RBBP7: variants seen among roughly 807,000 people sequenced by gnomAD.
RBBP7 encodes RB binding protein 7, chromatin remodeling factor.
Under a neutral mutation model 35.2 loss-of-function variants are expected in RBBP7, and 5 were observed. The observed-to-expected ratio is 0.14, with a 90% confidence interval of 0.07 to 0.30. The LOEUF is 0.30. Among genes scored for constraint, RBBP7 ranks in the 10% least tolerant of loss-of-function variants. RBBP7 has a pLI of 1.00. For missense variants in RBBP7, 155 were observed against 327.5 expected, an observed-to-expected ratio of 0.47 and a Z score of 4.07; for synonymous variants, 140 against 118.7, an observed-to-expected ratio of 1.18 and a Z score of -1.17.
intron 11 of RBBP7, 46 bp downstream of exon 11, chrX:16,845,782 T>A: frequency 8.5e-7 from 1 of 1,177,721 alleles, no homozygotes; most frequent in Non-Finnish European, 1.1e-6. Flanking sequence ...AAGTAGTAAA[T>A]CTCTCCTTTA....
Position 16,853,211 on chromosome X carries a change from T to C in RBBP7, c.759-336A>G, listed in dbSNP as rs1440283797. 2.3e-5 allele frequency: 5 copies of C among 220,363 alleles called. No homozygotes were observed. In the South Asian group the frequency reaches 4.1e-4, roughly 18 times the overall value. 18.2% of individuals were successfully genotyped at this position (220,363 alleles called of 1,213,427 possible). A position where few individuals can be genotyped will look rare whatever the true frequency, so the allele number is the denominator to read the frequency against. On this transcript the variant is annotated intron_variant, in intron 6 of 11. Coordinates refer to ENST00000380087, the MANE Select transcript of RBBP7 (RefSeq NM_002893.4). ...ACAAATGCCCAGTATTTTGTCACAT[T>C]TGCCTCAGGTATTTCTTTATAAGAT...
chrX:16,851,677 G>GA (rs1930216574), intron 9 of RBBP7, among the ~76,000 whole-genome samples: 1 of 111,882 alleles, frequency 8.9e-6, no homozygotes, highest in Admixed American at 9.5e-5. Context: ...CAAAAACCCA[G>GA]AAAAAACAGT....
chrX:16,852,704 A>G lies in RBBP7; in HGVS notation c.885+45T>C, dbSNP rs769095277. ...TTCAAATATCTGATTAAGGCACAAG[A>G]GAACTGGGTTTTATAAACACCAAAT... On this transcript the variant is annotated intron_variant, in intron 7 of 11. Coordinates refer to ENST00000380087, the MANE Select transcript of RBBP7 (RefSeq NM_002893.4). 3.3e-6 allele frequency: 4 copies of G among 1,209,958 alleles called. No individual in the cohort carries two copies. In the African/African-American group the frequency reaches 7.0e-5, roughly 21 times the overall value.
intron 8 of RBBP7, 107 bp from the exon 9 acceptor site, chrX:16,852,229 C>A (rs1167340391): frequency 1.3e-6 from 1 of 741,916 alleles, no homozygotes; most frequent in Non-Finnish European, 2.1e-6. Context: ...ATTATCTTAT[C>A]CTTGGCCTGA....
intron 9 of RBBP7, among the ~76,000 whole-genome samples, chrX:16,850,086 C>T (rs1446476796): frequency 2.7e-5 from 3 of 112,168 alleles, no homozygotes; most frequent in Non-Finnish European, 5.6e-5. Context: ...ACATTTTTTT[C>T]CTTCCCACAA....
chrX:16,869,688 G>A (rs1329349118), intron 1 of RBBP7: 5 of 1,041,780 alleles, frequency 4.8e-6, no homozygotes, highest in Non-Finnish European at 6.2e-6. Context: ...GCGACCCCGA[G>A]GCGGTCAACG....
rs370689303 is a variant in RBBP7 at position 16,869,261 on chromosome X, T to C, written c.17-41A>G. On this transcript the variant is annotated intron_variant, in intron 1 of 11. Transcript: ENST00000380087. ...AGCCCACACGATTAAGTGGCTGAGA[T>C]AGATCAAAGTCAGAAATTGGAGGTC... is the stretch of plus-strand genomic sequence containing the variant. 8.5e-5 allele frequency: 100 copies of C among 1,178,190 alleles called. No individual in the cohort carries two copies. In the South Asian group the frequency reaches 8.7e-4, roughly 10 times the overall value.
chrX:16,859,481 G>A (rs1314655307), intron 3 of RBBP7, among the ~76,000 whole-genome samples: 3 of 112,281 alleles, frequency 2.7e-5, no homozygotes, highest in Admixed American at 9.5e-5. Flanking sequence ...CATGAAAAAG[G>A]CCTTGTAAAG....
intron 3 of RBBP7, among the ~76,000 whole-genome samples, chrX:16,860,249 A>T (rs1930436156): frequency 1.4e-5 from 1 of 72,259 alleles, no homozygotes; most frequent in African/African-American, 5.6e-5. Flanking sequence ...CCTTTAGCTA[A>T]AACAACCTGA....
At chrX:16,846,708 C>A (rs1343778293) in intron 10 of RBBP7, 2 of 112,411 alleles carry the variant, frequency 1.8e-5, no homozygotes, top group African/African-American at 3.2e-5. Flanking sequence ...ACTAAATACA[C>A]TGTTTGGAAC....
intron 3 of RBBP7, among the ~76,000 whole-genome samples, chrX:16,862,322 T>G (rs894774934): frequency 9.0e-6 from 1 of 110,755 alleles, no homozygotes; most frequent in African/African-American, 3.3e-5. Context: ...AACAGGAGAG[T>G]ATATGTTTGA....
chrX:16,864,855 T>C (rs1930570782), intron 2 of RBBP7, among the ~76,000 whole-genome samples: 1 of 109,174 alleles, frequency 9.2e-6, no homozygotes. Context: ...TTTTAACCAG[T>C]AAAACCATTA....
intron 9 of RBBP7, among the ~76,000 whole-genome samples, chrX:16,850,916 T>A (rs1412941244): frequency 9.0e-6 from 1 of 111,454 alleles, no homozygotes; most frequent in East Asian, 2.8e-4. Flanking sequence ...CTGGCCAATA[T>A]GGCAAAGCTC....
chrX:16,864,138 T>C (rs1930540126), intron 2 of RBBP7, among the ~76,000 whole-genome samples: 2 of 109,841 alleles, frequency 1.8e-5, no homozygotes, highest in African/African-American at 6.7e-5. Flanking sequence ...AAAAAGTGTG[T>C]GCACATGGAG....
At chrX:16,867,282 G>T (rs1375408488) in intron 2 of RBBP7, among the ~76,000 whole-genome samples, 1 of 112,038 alleles carries the variant, frequency 8.9e-6, no homozygotes, top group Non-Finnish European at 1.9e-5. Flanking sequence ...GTAGGGGCAT[G>T]ATTTTAACCC....
chrX:16,850,342 T>G (rs1374997867), intron 9 of RBBP7, among the ~76,000 whole-genome samples: 1 of 112,527 alleles, frequency 8.9e-6, no homozygotes. Context: ...TGGCCCCCTA[T>G]CTAATGTAAT....
chrX:16,845,957 A>C lies in RBBP7; in HGVS notation c.1099-19T>G. Reference sequence around the variant, plus strand: ...GAATAAACTGTTACAAGAACAAAAAAAGCTTTGATTTCATATACTCTCCTG... The same window carrying C: ...GAATAAACTGTTACAAGAACAAAAACAGCTTTGATTTCATATACTCTCCTG... On this transcript the variant is annotated intron_variant, in intron 10 of 11. Transcript: ENST00000380087. 8.3e-7 allele frequency: 1 copy of C among 1,201,166 alleles called. No individual in the cohort carries two copies. The highest frequency in any genetic ancestry group is 1.8e-5 in the African/African-American group (1 of 57,061).
chrX:16,862,910 A>G, intron 3 of RBBP7, 45 bp downstream of exon 3: 1 of 1,174,796 alleles, frequency 8.5e-7, no homozygotes, highest in Non-Finnish European at 1.2e-6. Flanking sequence ...TTTGAAAGAG[A>G]CATTTTCCCT....
At chrX:16,862,520 C>T (rs974811870) in intron 3 of RBBP7, among the ~76,000 whole-genome samples, 26 of 110,189 alleles carry the variant, frequency 2.4e-4, no homozygotes, top group African/African-American at 8.3e-4. Context: ...ATACCAGTGC[C>T]TACAGATTTT....
Sources: allele counts gnomAD v4.1 joint callset (sites outside exome capture counted in the v4.1 genomes callset), GRCh38; gene constraint gnomAD v4.1.1; transcripts MANE v1.5; gene names NCBI Gene and HGNC (gene_info 2026-07-23, HGNC 2026-07-21).